Variants in SNX9 observed in about 807,000 individuals in gnomAD.
SNX9 encodes sorting nexin 9.
A neutral mutation model predicts 89.4 loss-of-function variants in SNX9; 44 were observed. The ratio of observed to expected loss-of-function variants is 0.49; its 90% CI spans 0.39 to 0.63. The LOEUF is 0.63. Among genes scored for constraint, SNX9 ranks in the 30% least tolerant of loss-of-function variants. The pLI is 0.00. For synonymous variants in SNX9, 236 were observed against 247.8 expected (o/e 0.95, Z 0.45); for missense variants, 578 against 736.1 (o/e 0.79, Z 2.49).
chr6:157,840,000 A>G (rs1320591397), intron 1 of SNX9, among the ~76,000 whole-genome samples: 4 of 152,212 alleles, frequency 2.6e-5, no homozygotes, highest in African/African-American at 4.8e-5. Flanking sequence ...AGCAGGTGAA[A>G]AAAAACAAGA....
At chr6:157,932,084 A>T in intron 12 of SNX9, 111 bp from the exon 13 acceptor site, 2 of 851,836 alleles carry the variant, frequency 2.3e-6, no homozygotes, top group Non-Finnish European at 1.9e-6. Flanking sequence ...GAAGGAATAT[A>T]TAGACTATTT....
rs71027371 is a variant in SNX9, at chr6:157,926,780, C to CAA, written c.1081-308_1081-307dup. 6.8e-3 allele frequency among the ~76,000 whole-genome samples: 411 copies of CAA among 60,438 alleles called. 4 individuals carry two copies. Among genetic ancestry groups the CAA allele is most frequent in the Middle Eastern group, 0.021 (2 of 96 alleles). The allele number at this position is 60,438 out of a possible 152,430, so 39.6% of individuals were successfully genotyped here. On this transcript the variant is annotated intron_variant, in intron 10 of 17. Coordinates refer to ENST00000392185, the MANE Select transcript of SNX9 (RefSeq NM_016224.5). ...TAGAAGGCAAAGTGAGACTCTGTCT[C>CAA]AAAAAAAAAAAAAAAAAAAAAAAAG...
intron 1 of SNX9, among the ~76,000 whole-genome samples, chr6:157,857,807 G>T (rs981100227): frequency 6.6e-6 from 1 of 151,946 alleles, no homozygotes; most frequent in Non-Finnish European, 1.5e-5. Context: ...TGCTATTGAT[G>T]ATATTGGGGC....
At chr6:157,856,041 G>A (rs539648597) in intron 1 of SNX9, among the ~76,000 whole-genome samples, 8 of 152,306 alleles carry the variant, frequency 5.3e-5, no homozygotes, top group African/African-American at 7.2e-5. Context: ...GAGCCACCAC[G>A]CCCGGCCTGT....
chr6:157,846,991 C>T (rs926843960), intron 1 of SNX9, among the ~76,000 whole-genome samples: 1 of 151,994 alleles, frequency 6.6e-6, no homozygotes, highest in Non-Finnish European at 1.5e-5. Context: ...AGAAGTGAGC[C>T]CAGGTAGCAC....
intron 12 of SNX9, 126 bp downstream of exon 12, chr6:157,928,828 C>T: frequency 1.5e-6 from 1 of 652,730 alleles, no homozygotes; most frequent in Non-Finnish European, 2.4e-6. Context: ...GCAGTAATGT[C>T]CCTCCTGTGA....
chr6:157,902,908 TC>T (rs1400347774), intron 6 of SNX9, among the ~76,000 whole-genome samples: 1 of 150,928 alleles, frequency 6.6e-6, no homozygotes, highest in Non-Finnish European at 1.5e-5. Flanking sequence ...TCTCAAGTGA[TC>T]CGCCCGCCTC....
intron 4 of SNX9, among the ~76,000 whole-genome samples, chr6:157,889,587 C>CTGT (rs1782813687): frequency 6.6e-6 from 1 of 152,152 alleles, no homozygotes; most frequent in Non-Finnish European, 1.5e-5. Context: ...TTAGGAGTTG[C>CTGT]TGTTGTTGAC....
intron 4 of SNX9, among the ~76,000 whole-genome samples, chr6:157,890,697 G>A (rs1173802511): frequency 6.6e-6 from 1 of 152,238 alleles, no homozygotes; most frequent in African/African-American, 2.4e-5. Flanking sequence ...GGCAGCAGGA[G>A]ATGGCAGGTT....
At chr6:157,836,222 T>G (rs1410662557) in intron 1 of SNX9, among the ~76,000 whole-genome samples, 1 of 151,972 alleles carries the variant, frequency 6.6e-6, no homozygotes, top group Non-Finnish European at 1.5e-5. Context: ...AGTGCTGGGA[T>G]TATAGCCATT....
intron 7 of SNX9, among the ~76,000 whole-genome samples, chr6:157,908,840 C>T (rs776312120): frequency 9.2e-5 from 14 of 152,162 alleles, no homozygotes; most frequent in Non-Finnish European, 1.9e-4. Flanking sequence ...GTGTAAGCCT[C>T]GCCTGAATTT....
chr6:157,877,092 C>T (rs1233079770), intron 4 of SNX9, among the ~76,000 whole-genome samples: 1 of 152,166 alleles, frequency 6.6e-6, no homozygotes, highest in Non-Finnish European at 1.5e-5. Context: ...ATTCTAGGGA[C>T]TGACCAGCTA....
At chr6:157,916,982 T>C (rs928736876) in intron 9 of SNX9, among the ~76,000 whole-genome samples, 1 of 152,216 alleles carries the variant, frequency 6.6e-6, no homozygotes, top group Non-Finnish European at 1.5e-5. Context: ...ATAGAATTGA[T>C]ACTGTTCTAT....
chr6:157,877,682 G>A (rs926129166), intron 4 of SNX9, among the ~76,000 whole-genome samples: 2 of 152,104 alleles, frequency 1.3e-5, no homozygotes, highest in African/African-American at 4.8e-5. Flanking sequence ...TCCCAGGGTC[G>A]GTTTTGTTTT....
intron 9 of SNX9, among the ~76,000 whole-genome samples, chr6:157,915,719 G>A (rs1783453567): frequency 6.8e-6 from 1 of 147,324 alleles, no homozygotes; most frequent in African/African-American, 2.5e-5. Flanking sequence ...CAGCTACTCA[G>A]GAGGCTGAGT....
chr6:157,832,102 G>A (rs916397304), intron 1 of SNX9, among the ~76,000 whole-genome samples: 1 of 152,208 alleles, frequency 6.6e-6, no homozygotes, highest in African/African-American at 2.4e-5. Flanking sequence ...CATTGTAAAT[G>A]CAGTGTTTAA....
chr6:157,826,301 A>G (rs1024275326), intron 1 of SNX9, among the ~76,000 whole-genome samples: 2 of 152,046 alleles, frequency 1.3e-5, no homozygotes, highest in African/African-American at 4.8e-5. Flanking sequence ...GATCGAGACC[A>G]TCCTGGCTAA....
intron 12 of SNX9, among the ~76,000 whole-genome samples, chr6:157,929,551 A>G (rs955469421): frequency 6.6e-6 from 1 of 152,188 alleles, no homozygotes; most frequent in Non-Finnish European, 1.5e-5. Context: ...ATCTATCACT[A>G]AGAATTTTCT....
intron 13 of SNX9, among the ~76,000 whole-genome samples, chr6:157,935,219 A>C (rs989260397): frequency 6.6e-6 from 1 of 152,228 alleles, no homozygotes; most frequent in South Asian, 2.1e-4. Context: ...ATCCTTATGG[A>C]AGTATTTCAG....
Sources: gnomAD v4.1 joint callset for allele counts (sites outside exome capture counted in the v4.1 genomes callset) on GRCh38, gnomAD v4.1.1 for gene constraint, MANE v1.5 for transcripts, NCBI Gene and HGNC (gene_info 2026-07-23, HGNC 2026-07-21) for gene names.